IL18R1: variants seen among roughly 807,000 people sequenced by gnomAD.
IL18R1 encodes the protein interleukin-18 receptor 1.
In IL18R1, 40 loss-of-function variants were observed where a neutral mutation model predicts 48.5. That is an observed-to-expected ratio of 0.82 (90% CI 0.64 to 1.07). The LOEUF is 1.07. Ranked by LOEUF, IL18R1 falls within the 50% of genes least tolerant of loss-of-function variation. The probability of loss-of-function intolerance (pLI) is 0.00; values close to 1 mark genes in which losing one functional copy is unlikely to be tolerated. For missense variants in IL18R1, 596 were observed against 633.7 expected (o/e 0.94, Z 0.64); for synonymous variants, 232 against 225.9 (o/e 1.03, Z -0.24).
chr2:102,367,665 T>A (rs1678984486), intron 2 of IL18R1, among the ~76,000 whole-genome samples, 160 bp from the exon 3 acceptor site: 1 of 152,184 alleles, frequency 6.6e-6, no homozygotes, highest in African/African-American at 2.4e-5. Flanking sequence ...TTGGAAAGAT[T>A]GACGCAAAAA....
At chr2:102,388,983 T>A (rs1354845284) in intron 8 of IL18R1, among the ~76,000 whole-genome samples, 1 of 152,202 alleles carries the variant, frequency 6.6e-6, no homozygotes, top group Non-Finnish European at 1.5e-5. Context: ...GATAAATGTA[T>A]ATGCCTTTTT....
At chr2:102,373,273 T>C (rs1679375236) in intron 4 of IL18R1, among the ~76,000 whole-genome samples, 2 of 152,194 alleles carry the variant, frequency 1.3e-5, no homozygotes, top group Admixed American at 1.3e-4. Context: ...TGGAATACTA[T>C]ACAGCCATAA....
At chr2:102,359,981 G>C (rs568215396) in intron 1 of IL18R1, among the ~76,000 whole-genome samples, 1 of 152,298 alleles carries the variant, frequency 6.6e-6, no homozygotes, top group African/African-American at 2.4e-5. Flanking sequence ...GCACAGAACA[G>C]GCAAGTCAGT....
intron 4 of IL18R1, among the ~76,000 whole-genome samples, chr2:102,372,932 G>T (rs1474222934): frequency 6.6e-6 from 1 of 152,162 alleles, no homozygotes; most frequent in Admixed American, 6.5e-5. Context: ...GAGGCTGTGA[G>T]CATGTTTTTA....
In IL18R1 at chr2:102,367,928, A is replaced by G. The variant is rs1679007546; in HGVS notation, c.162A>G (p.Lys54=). ...SLAHEIETTT[K]SWYKSSGSQE... ...CACATGAGATTGAAACAACCACCAA[A>G]AGCTGGTACAAAAGCAGTGGATCAC... Residue 54 remains lysine, a synonymous_variant, in exon 3 of 11, where the codon AAA becomes AAG. Transcript: ENST00000233957. 6.2e-7 allele frequency: 1 copy of G among 1,614,118 alleles called. No homozygotes were observed. The highest frequency in any genetic ancestry group is 8.5e-7 in the Non-Finnish European group (1 of 1,180,046).
In IL18R1 at chr2:102,396,601, T is replaced by C. The variant is rs1177159382; in HGVS notation, c.1341T>C (p.Tyr447=). The change falls in exon 11 of 11, where the codon TAT becomes TAC. Residue 447 remains tyrosine (Y), a synonymous_variant. Transcript: ENST00000233957. ...TAATCATTGTCCTAAGTAAAAGTTA[T>C]ATGTCTAATGAGGTCAGGTATGAAC... The part of the protein sequence containing the change: ...RRLIIVLSKS[Y]MSNEVRYELE... 1 of 1,613,314 alleles carries C rather than the reference T, an allele frequency of 6.2e-7. No individual in the cohort carries two copies. Among genetic ancestry groups the C allele is most frequent in the Non-Finnish European group, 8.5e-7 (1 of 1,179,688 alleles).
At chr2:102,385,743 C>A (rs1573222037) in intron 7 of IL18R1, among the ~76,000 whole-genome samples, 1 of 152,198 alleles carries the variant, frequency 6.6e-6, no homozygotes, top group African/African-American at 2.4e-5. Flanking sequence ...CGGGAGCAGG[C>A]ATGTGGTTCA....
intron 6 of IL18R1, among the ~76,000 whole-genome samples, chr2:102,383,481 C>T (rs187978441): frequency 3.3e-4 from 50 of 152,252 alleles, no homozygotes; most frequent in African/African-American, 9.1e-4. Context: ...TATGCATACA[C>T]GGATTTATGC....
intron 6 of IL18R1, 100 bp from the exon 7 acceptor site, chr2:102,384,778 A>G (rs1471194856): frequency 1.5e-6 from 2 of 1,310,370 alleles, no homozygotes; most frequent in African/African-American, 1.5e-5. Flanking sequence ...ATGGAGCACC[A>G]CGTTTTGCTT....
chr2:102,395,322 A>G (rs1244570476), intron 10 of IL18R1, among the ~76,000 whole-genome samples: 1 of 151,966 alleles, frequency 6.6e-6, no homozygotes, highest in Non-Finnish European at 1.5e-5. Context: ...CTGGTGTCAA[A>G]TTATTCTGGA....
intron 4 of IL18R1, among the ~76,000 whole-genome samples, chr2:102,374,257 G>A (rs1679442434): frequency 6.6e-6 from 1 of 152,080 alleles, no homozygotes; most frequent in Admixed American, 6.5e-5. Flanking sequence ...ATAAGAGAGT[G>A]GTCTGAACAG....
Position 102,397,154 on chromosome 2 carries a change from C to T in IL18R1, c.*268C>T. On this transcript the variant is annotated 3_prime_UTR_variant, in exon 11 of 11. Coordinates refer to ENST00000233957, the MANE Select transcript of IL18R1 (RefSeq NM_003855.5). ...TCTTTCATAACTGGATGCAGCTGCT[C>T]ATACTCAATCCCATATTCAGCAAGT... is the stretch of plus-strand genomic sequence containing the variant. The T allele has an allele frequency of 2.7e-6, 1 of 371,980 alleles. No individual in the cohort carries two copies. Among genetic ancestry groups the T allele is most frequent in the South Asian group, 6.3e-5 (1 of 15,960 alleles). The allele number at this position is 371,980 out of a possible 1,614,324, so 23.0% of individuals were successfully genotyped here. A position where few individuals can be genotyped will look rare whatever the true frequency, so the allele number is the denominator to read the frequency against.
intron 9 of IL18R1, among the ~76,000 whole-genome samples, chr2:102,390,853 T>G (rs888108277): frequency 1.4e-5 from 2 of 145,670 alleles, no homozygotes; most frequent in African/African-American, 5.1e-5. Flanking sequence ...GAATGGCGTG[T>G]GAACTCGGGA....
At position 102,394,461 on chromosome 2, in the gene IL18R1, C is replaced by T. The variant is rs1277674188; in HGVS notation, c.1112-8C>T. 5 of 1,594,568 alleles carry T rather than the reference C, an allele frequency of 3.1e-6. No individual in the cohort carries two copies. The South Asian group carries it at 4.5e-5, about 14-fold the overall frequency. On this transcript the variant is annotated splice_region_variant and splice_polypyrimidine_tract_variant and intron_variant, in intron 9 of 10. Transcript: ENST00000233957. ...ACATGAATTAAAAGAGCCAATCTTA[C>T]CTCCTAGATGGAAAAACATATGATG... is the stretch of plus-strand genomic sequence containing the variant.
rs1165221952 is a variant in IL18R1 at position 102,376,054 on chromosome 2, A to G, written c.616A>G (p.Ile206Val). ...TATCACCAAAACCTTCAATATAACA[A>G]TAGTGGAAGGTAAGGGAAATCTTAG... ...FNITKTFNIT[I>V]VEDRSNIVPV... The change falls in exon 5 of 11, where the codon ATA becomes GTA. Residue 206 changes from isoleucine (I) to valine (V), a missense_variant. Ile to Val is a conservative substitution (Grantham distance 29). Coordinates refer to ENST00000233957, the MANE Select transcript of IL18R1 (RefSeq NM_003855.5). 5.7e-6 allele frequency: 9 copies of G among 1,574,934 alleles called. No homozygotes were observed. Among genetic ancestry groups the G allele is most frequent in the African/African-American group, 1.4e-5 (1 of 72,542 alleles).
chr2:102,394,597 A>G lies in IL18R1; in HGVS notation c.1240A>G (p.Ile414Val), dbSNP rs1680722596. 2.5e-6 allele frequency: 4 copies of G among 1,612,384 alleles called. No homozygotes were observed. Among genetic ancestry groups the G allele is most frequent in the Non-Finnish European group, 3.4e-6 (4 of 1,178,838 alleles). ...GAAACATTTTGGGTATAAGTTATGC[A>G]TATTTGAAAGGGATGTAGTGCCTGG... ...LEKHFGYKLC[I>V]FERDVVPGGA... The change falls in exon 10 of 11, where the codon ATA (isoleucine) becomes GTA (valine). Residue 414 changes from isoleucine (I) to valine (V), a missense_variant. Physicochemically the swap from Ile to Val is conservative, Grantham distance 29. Transcript: ENST00000233957.
intron 1 of IL18R1, among the ~76,000 whole-genome samples, chr2:102,361,850 A>T (rs1678593510): frequency 6.6e-6 from 1 of 152,180 alleles, no homozygotes; most frequent in Non-Finnish European, 1.5e-5. Flanking sequence ...AGAACTCCGA[A>T]TGCTAGGTTG....
intron 5 of IL18R1, among the ~76,000 whole-genome samples, chr2:102,378,256 G>A (rs1202612892): frequency 6.6e-6 from 1 of 152,176 alleles, no homozygotes; most frequent in East Asian, 1.9e-4. Flanking sequence ...ACAGCTCTGT[G>A]AGACTGTGGC....
chr2:102,360,122 A>C (rs1049260680), intron 1 of IL18R1, among the ~76,000 whole-genome samples: 1 of 152,258 alleles, frequency 6.6e-6, no homozygotes, highest in Non-Finnish European at 1.5e-5. Flanking sequence ...TGATTATCTC[A>C]TAATACATCT....
Sources: allele counts gnomAD v4.1 joint callset (sites outside exome capture counted in the v4.1 genomes callset), GRCh38; gene constraint gnomAD v4.1.1; transcripts MANE v1.5; gene names NCBI Gene and HGNC (gene_info 2026-07-23, HGNC 2026-07-21).